The following ITPR2 variants were observed in gnomAD, a reference collection of about 807,000 sequenced individuals.
ITPR2 encodes the protein inositol 1,4,5-trisphosphate-gated calcium channel ITPR2.
In ITPR2, 207 loss-of-function variants were observed where a neutral mutation model predicts 317.1. The observed-to-expected ratio is 0.65, with a 90% CI of 0.58 to 0.73. The LOEUF (loss-of-function observed/expected upper bound fraction) is 0.73. ITPR2 is among the 30% of genes least tolerant of loss of function. ITPR2 has a pLI of 0.00. For synonymous variants in ITPR2, 1,156 were observed against 1,149.1 expected, an observed-to-expected ratio of 1.01 and a Z score of -0.12; for missense variants, 2,613 against 3,284.0, an observed-to-expected ratio of 0.80 and a Z score of 4.99.
intron 32 of ITPR2, among the ~76,000 whole-genome samples, chr12:26,589,348 A>T (rs1239112864): frequency 2.0e-5 from 3 of 151,748 alleles, no homozygotes; most frequent in East Asian, 1.9e-4. Context: ...GAAAAATACT[A>T]AAAAAAGGTG....
chr12:26,501,839 G>T (rs1159265255), intron 37 of ITPR2, among the ~76,000 whole-genome samples: 3 of 152,224 alleles, frequency 2.0e-5, no homozygotes, highest in Non-Finnish European at 4.4e-5. Flanking sequence ...TATGCTGAAA[G>T]AATTTTCAGA....
At chr12:26,500,875 T>C (rs1327110491) in intron 37 of ITPR2, among the ~76,000 whole-genome samples, 1 of 152,238 alleles carries the variant, frequency 6.6e-6, no homozygotes, top group Non-Finnish European at 1.5e-5. Context: ...GGGGAGTTAA[T>C]AGCCTTAGGA....
At chr12:26,387,071 T>A (rs1277476361) in intron 55 of ITPR2, among the ~76,000 whole-genome samples, 2 of 152,228 alleles carry the variant, frequency 1.3e-5, no homozygotes, top group Admixed American at 6.5e-5. Context: ...AAGGTATGAA[T>A]CTTCTGTTCA....
At chr12:26,580,661 C>T (rs1024163348) in intron 32 of ITPR2, among the ~76,000 whole-genome samples, 4 of 152,084 alleles carry the variant, frequency 2.6e-5, no homozygotes, top group Admixed American at 2.0e-4. Flanking sequence ...TAAATCAAAC[C>T]CTTCCCAATA....
In ITPR2 at chr12:26,339,186, C is replaced by A; in HGVS notation, c.*211G>T. 1 of 540,780 alleles carries A rather than the reference C, an allele frequency of 1.8e-6. No homozygotes were observed. The highest frequency in any genetic ancestry group is 3.2e-5 in the East Asian group (1 of 31,464). The allele number at this position is 540,780 out of a possible 1,614,324, so 33.5% of individuals were successfully genotyped here. The stretch of plus-strand genomic sequence containing the variant: ...ATGCATTGCGAATGTGTGATGTACG[C>A]TTTCTAGCAGATGCATTTGAGGTTA... On this transcript the variant is annotated 3_prime_UTR_variant, in exon 57 of 57. Transcript: ENST00000381340.
At chr12:26,489,500 C>T (rs56278644) in intron 39 of ITPR2, among the ~76,000 whole-genome samples, 13,003 of 152,204 alleles carry the variant, frequency 0.085, 780 homozygotes, top group Non-Finnish European at 0.13. Context: ...CTCTAACTAG[C>T]GATGTAAGCT....
In ITPR2 at chr12:26,487,216, CT is replaced by C; in HGVS notation, c.5405del (p.Lys1802SerfsTer13). The C allele has an allele frequency of 1.9e-6, 3 of 1,604,902 alleles. No individual in the cohort carries two copies. Among genetic ancestry groups the C allele is most frequent in the South Asian group, 1.1e-5 (1 of 89,600 alleles). ...AGAGAACTTTAAAGAATTTTTCTGA[CT>C]TTTTTTGTTCATGCAACTGCTGGTA... ...SFYQQLHEQK[K>X]SEKFFKVLYD... On this transcript the variant is annotated frameshift_variant, in exon 40 of 57. Coordinates refer to ENST00000381340, the MANE Select transcript of ITPR2 (RefSeq NM_002223.4). LOFTEE classifies it high-confidence loss of function.
intron 1 of ITPR2, among the ~76,000 whole-genome samples, chr12:26,823,294 T>C (rs1950966022): frequency 6.6e-6 from 1 of 152,176 alleles, no homozygotes; most frequent in Non-Finnish European, 1.5e-5. Flanking sequence ...TTTTGTCAGG[T>C]GCTGAGCATA....
intron 34 of ITPR2, among the ~76,000 whole-genome samples, chr12:26,568,362 G>A (rs1401180078): frequency 6.6e-6 from 1 of 151,808 alleles, no homozygotes; most frequent in Non-Finnish European, 1.5e-5. Flanking sequence ...ATCTTTTGTA[G>A]AGCTCTGCCT....
Position 26,432,022 on chromosome 12 carries a change from C to A in ITPR2, c.6770-3934G>T, listed in dbSNP as rs919271224. Among the ~76,000 whole-genome samples the A allele has an allele frequency of 4.3e-4, 25 of 57,542 alleles. No homozygotes were observed. In the Admixed American group the frequency reaches 5.1e-3, roughly 12 times the overall value. The allele number at this position is 57,542 out of a possible 152,430, so 37.7% of individuals were successfully genotyped here. On this transcript the variant is annotated intron_variant, in intron 48 of 56. Coordinates refer to ENST00000381340, the MANE Select transcript of ITPR2 (RefSeq NM_002223.4). Reference sequence around the variant, plus strand: ...ACTTCAGGGTTGGACAGACTCCTTACATTTATTATTTTTTTTTCTTTTTAA... The same window carrying A: ...ACTTCAGGGTTGGACAGACTCCTTAAATTTATTATTTTTTTTTCTTTTTAA...
chr12:26,695,737 ATCC>A, intron 9 of ITPR2, 87 bp from the exon 10 acceptor site: 1 of 804,712 alleles, frequency 1.2e-6, no homozygotes, highest in Middle Eastern at 2.4e-4. Flanking sequence ...TTAATATTCT[ATCC>A]TCAACTAAGT....
At chr12:26,461,261 A>T (rs1942012637) in intron 45 of ITPR2, among the ~76,000 whole-genome samples, 1 of 152,110 alleles carries the variant, frequency 6.6e-6, no homozygotes, top group Non-Finnish European at 1.5e-5. Flanking sequence ...AAAATAAATG[A>T]CTCAGTTTTC....
At chr12:26,765,269 CA>C (rs1251398622) in intron 2 of ITPR2, among the ~76,000 whole-genome samples, 2 of 152,060 alleles carry the variant, frequency 1.3e-5, no homozygotes, top group African/African-American at 4.8e-5. Flanking sequence ...ATAAATTTTA[CA>C]AGCAAGAAAG....
At chr12:26,599,473 C>CAA (rs1945938980) in intron 29 of ITPR2, 128 bp from the exon 30 acceptor site, 2 of 788,500 alleles carry the variant, frequency 2.5e-6, no homozygotes, top group African/African-American at 3.5e-5. Context: ...ATTTTCTGTG[C>CAA]ATGTCTTTCA....
chr12:26,702,104 G>C (rs996733871), intron 9 of ITPR2, among the ~76,000 whole-genome samples: 2 of 152,102 alleles, frequency 1.3e-5, no homozygotes, highest in South Asian at 4.1e-4. Context: ...CACAGACATA[G>C]TTGTGAACTT....
intron 55 of ITPR2, among the ~76,000 whole-genome samples, chr12:26,378,481 T>G (rs1939410404): frequency 6.6e-6 from 1 of 152,168 alleles, no homozygotes; most frequent in Non-Finnish European, 1.5e-5. Context: ...ATATAAGCAG[T>G]CTGTGAAGGA....
intron 24 of ITPR2, among the ~76,000 whole-genome samples, chr12:26,623,767 C>T (rs11833088): frequency 6.6e-6 from 1 of 152,124 alleles, no homozygotes; most frequent in South Asian, 2.1e-4. Context: ...AACTTCATTT[C>T]TGAAGAACAA....
Position 26,599,317 on chromosome 12 carries a change from A to G in ITPR2, c.3830T>C (p.Ile1277Thr). 1 of 1,614,090 alleles carries G rather than the reference A, an allele frequency of 6.2e-7. No individual in the cohort carries two copies. ...GCACAGATGGTAATTGTTCATGAAG[A>G]TGTGCCGCATGGTTTCTGCTTCAAG... ...GLLEAETMRH[I>T]FMNNYHLCNE... is the part of the protein sequence containing the mutation. Residue 1277 changes from isoleucine (I) to threonine (T), a missense_variant, in exon 30 of 57, where the codon ATC becomes ACC. This residue lies in a region of ITPR2 where 817 missense variants were observed against 897.6 expected (regional missense o/e 0.91). Transcript: ENST00000381340.
At chr12:26,630,529 G>A (rs1206039067) in intron 22 of ITPR2, 1 of 152,176 alleles carries the variant, frequency 6.6e-6, no homozygotes, top group Non-Finnish European at 1.5e-5. Flanking sequence ...CCAAGGAGTA[G>A]GGCTACAAAG....
Sources: allele counts gnomAD v4.1 joint callset (sites outside exome capture counted in the v4.1 genomes callset), GRCh38; gene constraint gnomAD v4.1.1; regional missense constraint gnomAD v4.1.1; transcripts MANE v1.5; gene names NCBI Gene and HGNC (gene_info 2026-07-23, HGNC 2026-07-21).